GPC6: variants seen among roughly 807,000 people sequenced by gnomAD.
GPC6 encodes the protein glypican-6.
GPC6 carries 14 observed loss-of-function variants against 55.2 expected under a neutral mutation model. That is an observed-to-expected ratio of 0.25 (90% confidence interval 0.17 to 0.40). The LOEUF (loss-of-function observed/expected upper bound fraction) is 0.40, where lower values mean the gene tolerates loss of function less well. Ranked by LOEUF, GPC6 falls within the 10% of genes least tolerant of loss-of-function variation. GPC6 has a pLI of 1.00. For missense variants in GPC6, 641 were observed against 708.5 expected, an observed-to-expected ratio of 0.90 and a Z score of 1.08; for synonymous variants, 278 against 259.6, an observed-to-expected ratio of 1.07 and a Z score of -0.68.
chr13:93,294,496 AAGT>A (rs1388113856), intron 1 of GPC6, among the ~76,000 whole-genome samples: 1 of 151,946 alleles, frequency 6.6e-6, no homozygotes, highest in East Asian at 1.9e-4. Flanking sequence ...TTCCCTCAGG[AAGT>A]AGTTGATTTG....
chr13:93,390,815 C>A lies in GPC6; in HGVS notation c.161-154448C>A, dbSNP rs1418597574. On this transcript the variant is annotated intron_variant, in intron 1 of 8. Coordinates refer to ENST00000377047, the MANE Select transcript of GPC6 (RefSeq NM_005708.5). ...ATTACTGTCATTAAAAAAAAAAAATCTTGGGGACATTGGTGTCTTAGTTCT... is the reference window on the plus strand; with the variant it reads ...ATTACTGTCATTAAAAAAAAAAAATATTGGGGACATTGGTGTCTTAGTTCT... Among the ~76,000 whole-genome samples, 4 of 149,030 alleles carry A rather than the reference C, an allele frequency of 2.7e-5. No homozygotes were observed. The East Asian group carries it at 7.9e-4, about 29-fold the overall frequency.
intron 2 of GPC6, among the ~76,000 whole-genome samples, chr13:93,602,599 A>G (rs1878062176): frequency 2.1e-5 from 3 of 142,194 alleles, no homozygotes; most frequent in Admixed American, 1.3e-4. Flanking sequence ...AAGATGAGAT[A>G]GAAAGAATTG....
intron 1 of GPC6, among the ~76,000 whole-genome samples, chr13:93,531,904 C>T (rs1881882575): frequency 6.6e-6 from 1 of 152,116 alleles, no homozygotes; most frequent in Admixed American, 6.6e-5. Flanking sequence ...TGATTTTCAC[C>T]TGCTGCTAGG....
intron 1 of GPC6, among the ~76,000 whole-genome samples, chr13:93,358,553 G>A (rs977402744): frequency 6.6e-6 from 1 of 152,118 alleles, no homozygotes; most frequent in Admixed American, 6.5e-5. Context: ...TTGAACCTAT[G>A]CAGCATGACT....
chr13:94,309,156 T>G (rs569325791), intron 6 of GPC6, among the ~76,000 whole-genome samples: 26 of 152,300 alleles, frequency 1.7e-4, no homozygotes, highest in African/African-American at 6.3e-4. Context: ...TGGAAAAGAT[T>G]TCTCTTCATT....
intron 4 of GPC6, among the ~76,000 whole-genome samples, chr13:94,089,444 T>A (rs1449364358): frequency 1.3e-5 from 2 of 152,160 alleles, no homozygotes; most frequent in Non-Finnish European, 2.9e-5. Flanking sequence ...TCTTACATCC[T>A]TTAGGAGGCT....
At chr13:93,985,089 C>A (rs1880965498) in intron 3 of GPC6, among the ~76,000 whole-genome samples, 1 of 152,102 alleles carries the variant, frequency 6.6e-6, no homozygotes, top group Admixed American at 6.6e-5. Flanking sequence ...TACCTATGGG[C>A]CCAAGGTATT....
intron 4 of GPC6, among the ~76,000 whole-genome samples, chr13:94,245,563 C>T (rs1448989392): frequency 1.3e-5 from 2 of 151,858 alleles, no homozygotes; most frequent in Non-Finnish European, 2.9e-5. Context: ...GAGTAAGACC[C>T]TCCCTGTCTC....
chr13:93,576,320 T>C (rs188346763), intron 2 of GPC6, among the ~76,000 whole-genome samples: 85 of 152,252 alleles, frequency 5.6e-4, no homozygotes, highest in African/African-American at 1.9e-3. Context: ...CAAAAAATTA[T>C]ATTTTATGCA....
intron 4 of GPC6, among the ~76,000 whole-genome samples, chr13:94,067,485 TC>T (rs1884559973): frequency 6.6e-6 from 1 of 151,912 alleles, no homozygotes; most frequent in Non-Finnish European, 1.5e-5. Flanking sequence ...TCTGTCTCTC[TC>T]TCTCTCTCTC....
At chr13:93,279,674 G>T (rs1877879015) in intron 1 of GPC6, among the ~76,000 whole-genome samples, 1 of 152,206 alleles carries the variant, frequency 6.6e-6, no homozygotes, top group Non-Finnish European at 1.5e-5. Context: ...TCATGGCGAG[G>T]CAGGGCAGTG....
intron 1 of GPC6, among the ~76,000 whole-genome samples, chr13:93,514,031 G>A (rs1425602203): frequency 6.6e-6 from 1 of 151,776 alleles, no homozygotes; most frequent in African/African-American, 2.4e-5. Flanking sequence ...CCACCACCAC[G>A]CCCAGCTAAT....
At chr13:93,808,230 A>G (rs990617673) in intron 2 of GPC6, among the ~76,000 whole-genome samples, 4 of 152,236 alleles carry the variant, frequency 2.6e-5, no homozygotes, top group Admixed American at 6.5e-5. Flanking sequence ...TGTAAAAACA[A>G]TTTTAAAAAT....
chr13:93,841,834 T>C (rs1429188233), intron 3 of GPC6, among the ~76,000 whole-genome samples: 1 of 152,190 alleles, frequency 6.6e-6, no homozygotes, highest in Non-Finnish European at 1.5e-5. Context: ...GATTGTAGTG[T>C]CTGAAGAAGT....
intron 2 of GPC6, among the ~76,000 whole-genome samples, chr13:93,747,498 G>T (rs542178690): frequency 6.6e-6 from 1 of 152,136 alleles, no homozygotes; most frequent in East Asian, 1.9e-4. Context: ...TGGCCCTGTC[G>T]CTGTCGCATT....
At chr13:93,787,731 G>T (rs185087326) in intron 2 of GPC6, among the ~76,000 whole-genome samples, 1 of 152,194 alleles carries the variant, frequency 6.6e-6, no homozygotes, top group East Asian at 1.9e-4. Context: ...CTACATTAAT[G>T]TTAGCTATTA....
At position 94,169,622 on chromosome 13, in the gene GPC6, A is replaced by C. The variant is rs568239317; in HGVS notation, c.878-116727A>C. Among the ~76,000 whole-genome samples, 6 of 152,316 alleles carry C rather than the reference A, an allele frequency of 3.9e-5. No individual in the cohort carries two copies. The South Asian group carries it at 6.2e-4, about 16-fold the overall frequency. On this transcript the variant is annotated intron_variant, in intron 4 of 8. Coordinates refer to ENST00000377047, the MANE Select transcript of GPC6 (RefSeq NM_005708.5). ...ATAGAGATGTGACTGACTCTTCCAC[A>C]ACAAATTACAAAGGCATATTAGAAA... is the stretch of plus-strand genomic sequence containing the variant.
At chr13:93,325,062 G>A (rs1400704840) in intron 1 of GPC6, among the ~76,000 whole-genome samples, 2 of 152,114 alleles carry the variant, frequency 1.3e-5, no homozygotes, top group South Asian at 4.1e-4. Flanking sequence ...ATTTCTCTAT[G>A]TTTTGGAAAA....
intron 1 of GPC6, among the ~76,000 whole-genome samples, chr13:93,343,538 A>T (rs912713130): frequency 1.3e-5 from 2 of 152,202 alleles, no homozygotes; most frequent in African/African-American, 2.4e-5. Context: ...GATAGTTTCA[A>T]AAGCCAACAC....
Sources: allele counts gnomAD v4.1 joint callset (sites outside exome capture counted in the v4.1 genomes callset), GRCh38; gene constraint gnomAD v4.1.1; transcripts MANE v1.5; gene names NCBI Gene and HGNC (gene_info 2026-07-23, HGNC 2026-07-21).